Variants in THUMPD2 observed in about 807,000 individuals in gnomAD.
The protein encoded by THUMPD2 is THUMP domain 2 tRNA and snRNA guanosine methyltransferase.
THUMPD2 carries 56 observed loss-of-function variants against 49.4 expected under a neutral mutation model. That is an observed-to-expected ratio of 1.13 (90% CI 0.91 to 1.41). The LOEUF (loss-of-function observed/expected upper bound fraction) is 1.41, where lower values mean the gene tolerates loss of function less well. Ranked by LOEUF, THUMPD2 falls within the 40% of genes most tolerant of loss-of-function variation. The pLI is 0.00. For synonymous variants in THUMPD2, 237 were observed against 205.2 expected (o/e 1.15, Z -1.32); for missense variants, 709 against 594.5 (o/e 1.19, Z -2.00).
At chr2:39,738,606 T>A (rs758032941) in intron 9 of THUMPD2, among the ~76,000 whole-genome samples, 2,814 of 110,554 alleles carry the variant, frequency 0.025, 35 homozygotes, top group Non-Finnish European at 0.033. Flanking sequence ...TGTAAAAATA[T>A]ATATATAATA....
intron 8 of THUMPD2, among the ~76,000 whole-genome samples, chr2:39,752,950 T>C (rs1045894121): frequency 2.6e-5 from 4 of 152,214 alleles, no homozygotes; most frequent in Non-Finnish European, 5.9e-5. Flanking sequence ...CAACCACTCA[T>C]GCACTGGATC....
chr2:39,770,141 G>A, intron 2 of THUMPD2, 22 bp from the exon 3 acceptor site: 1 of 1,437,624 alleles, frequency 7.0e-7, no homozygotes, highest in South Asian at 1.6e-5. Context: ...AAATCTTGTT[G>A]ATCCTCTATT....
rs201901395 is a variant in THUMPD2 at position 39,768,423 on chromosome 2, C to A, written c.750+1G>T. The stretch of plus-strand genomic sequence containing the variant: ...TATAAAATAAAACAAATACTCATTA[C>A]CTCTAATTGTGGATTCCTCAAGTCT... On this transcript the variant is annotated splice_donor_variant, in intron 4 of 9. Coordinates refer to ENST00000505747, the MANE Select transcript of THUMPD2 (RefSeq NM_025264.5). LOFTEE classifies it high-confidence loss of function. 3.7e-5 allele frequency: 59 copies of A among 1,607,966 alleles called. No individual in the cohort carries two copies. In the Admixed American group the frequency reaches 4.4e-4, roughly 12 times the overall value.
chr2:39,771,720 A>C (rs987555560), intron 1 of THUMPD2, 80 bp from the exon 2 acceptor site: 1 of 1,380,448 alleles, frequency 7.2e-7, no homozygotes, highest in Non-Finnish European at 9.9e-7. Flanking sequence ...TATAGCATCT[A>C]AATTAAAAAT....
At chr2:39,772,777 C>T (rs181604212) in intron 1 of THUMPD2, among the ~76,000 whole-genome samples, 1 of 152,312 alleles carries the variant, frequency 6.6e-6, no homozygotes, top group East Asian at 1.9e-4. Flanking sequence ...AGAACACAGA[C>T]ACCAGGGAAT....
chr2:39,736,839 A>T lies in THUMPD2; in HGVS notation c.1408T>A (p.Ser470Thr), dbSNP rs143353575. ...ASNHKFLDRM[S>T]PFGSLVPVEC... ...ACTGGTACCAAGGAGCCAAATGGTG[A>T]CATTCTGTCTAAGAATTTGTGGTTA... Residue 470 changes from serine to threonine, a missense_variant, in exon 10 of 10, where the codon TCA becomes ACA. Transcript: ENST00000505747. The T allele has an allele frequency of 6.2e-7, 1 of 1,614,104 alleles. No homozygotes were observed. The highest frequency in any genetic ancestry group is 8.5e-7 in the Non-Finnish European group (1 of 1,180,034).
chr2:39,753,345 T>G (rs1451673088), intron 8 of THUMPD2, among the ~76,000 whole-genome samples: 1 of 152,118 alleles, frequency 6.6e-6, no homozygotes, highest in Non-Finnish European at 1.5e-5. Context: ...CTTCCCCGGA[T>G]TTTTACTCTC....
intron 2 of THUMPD2, among the ~76,000 whole-genome samples, chr2:39,770,868 T>C (rs1193588259): frequency 6.6e-6 from 1 of 152,152 alleles, no homozygotes; most frequent in Admixed American, 6.5e-5. Flanking sequence ...TATAAATACA[T>C]GATCTCTTAC....
chr2:39,747,661 CT>C (rs1054653779), intron 8 of THUMPD2, among the ~76,000 whole-genome samples: 2 of 151,792 alleles, frequency 1.3e-5, no homozygotes, highest in South Asian at 2.1e-4. Context: ...TAATAAAAGA[CT>C]TTTTTTTGAG....
intron 1 of THUMPD2, 89 bp from the exon 2 acceptor site, chr2:39,771,729 A>G: frequency 1.5e-6 from 2 of 1,333,896 alleles, no homozygotes; most frequent in South Asian, 2.7e-5. Context: ...TAAATTAAAA[A>G]TAAAAATAAC....
chr2:39,756,010 A>G, intron 6 of THUMPD2, 50 bp from the exon 7 acceptor site: 2 of 1,511,554 alleles, frequency 1.3e-6, no homozygotes, highest in South Asian at 2.3e-5. Context: ...CATAGTACGT[A>G]CTATAAAAGA....
chr2:39,771,746 T>A, intron 1 of THUMPD2, 106 bp from the exon 2 acceptor site: 2 of 1,182,048 alleles, frequency 1.7e-6, no homozygotes, highest in Non-Finnish European at 2.4e-6. Flanking sequence ...TAACCATTTC[T>A]GAAGTATCTA....
chr2:39,764,347 AAT>A, intron 5 of THUMPD2, among the ~76,000 whole-genome samples: 1 of 152,354 alleles, frequency 6.6e-6, no homozygotes, highest in Non-Finnish European at 1.5e-5. Flanking sequence ...ATAGCAGAGA[AAT>A]ATGATAACTT....
intron 6 of THUMPD2, among the ~76,000 whole-genome samples, chr2:39,756,452 G>A (rs1250629098): frequency 1.4e-5 from 2 of 148,028 alleles, no homozygotes; most frequent in Admixed American, 6.7e-5. Flanking sequence ...CAGCCTGGGC[G>A]ACAGAGCGAG....
intron 6 of THUMPD2, chr2:39,757,120 G>C: frequency 6.2e-6 from 2 of 320,904 alleles, no homozygotes; most frequent in South Asian, 5.0e-5. Flanking sequence ...ACTCTTACAG[G>C]AATGAGAGGG....
chr2:39,744,470 A>G lies in THUMPD2; in HGVS notation c.1087T>C (p.Leu363=), dbSNP rs1303820583. 2 of 1,565,154 alleles carry G rather than the reference A, an allele frequency of 1.3e-6. No individual in the cohort carries two copies. The highest frequency in any genetic ancestry group is 2.8e-5 in the African/African-American group (2 of 71,844). Residue 363 remains leucine, a synonymous_variant, in exon 9 of 10, where the codon TTG becomes CTG. Transcript: ENST00000505747. ...ATAATATCAACACTTTCTGAAGGCA[A>G]TGGCAATTCTGAAATATAGAAATCA... ...LLKISVIELP[L]PSESVDIIIS... is the part of the protein sequence containing the mutation.
At chr2:39,761,140 T>C (rs1021899880) in intron 6 of THUMPD2, among the ~76,000 whole-genome samples, 191 bp downstream of exon 6, 11 of 152,052 alleles carry the variant, frequency 7.2e-5, no homozygotes, top group African/African-American at 1.4e-4. Flanking sequence ...CAAAATACTC[T>C]CAGAAGTTCA....
rs753457092 is a variant in THUMPD2, at chr2:39,737,386, C to A, written c.1188-327G>T. Among the ~76,000 whole-genome samples, 110 of 152,104 alleles carry A rather than the reference C, an allele frequency of 7.2e-4. 1 individual carries two copies. Among genetic ancestry groups the A allele is most frequent in the South Asian group, 3.3e-3 (16 of 4,818 alleles). On this transcript the variant is annotated intron_variant, in intron 9 of 9. Transcript: ENST00000505747. ...AGACTGCATGTATTAAAAGCAGTAG[C>A]CTGACAGCAGAAGAAAGTTAACAGG...
Position 39,737,289 on chromosome 2 carries a change from G to C in THUMPD2, c.1188-230C>G, listed in dbSNP as rs532862404. On this transcript the variant is annotated intron_variant, in intron 9 of 9. Transcript: ENST00000505747. ...TTATCTATTTTTACTCAAAAGGCAA[G>C]CCTCAAAGTAATTTGTAGTCACGGT... Among the ~76,000 whole-genome samples, 5 of 152,192 alleles carry C rather than the reference G, an allele frequency of 3.3e-5. No individual in the cohort carries two copies. In the East Asian group the frequency reaches 9.7e-4, roughly 29 times the overall value.
Sources: allele counts gnomAD v4.1 joint callset (sites outside exome capture counted in the v4.1 genomes callset), GRCh38; gene constraint gnomAD v4.1.1; transcripts MANE v1.5; gene names NCBI Gene and HGNC (gene_info 2026-07-23, HGNC 2026-07-21).